FNDC3B: variants seen among roughly 807,000 people sequenced by gnomAD.
The protein encoded by FNDC3B is fibronectin type III domain containing 3B.
Under a neutral mutation model 151.5 loss-of-function variants are expected in FNDC3B, and 12 were observed. The observed-to-expected ratio is 0.08, with a 90% confidence interval of 0.05 to 0.13. The LOEUF is 0.13. FNDC3B is among the 10% of genes least tolerant of loss of function. The pLI is 1.00. For missense variants in FNDC3B, 1,214 were observed against 1,505.3 expected, an observed-to-expected ratio of 0.81 and a Z score of 3.20; for synonymous variants, 528 against 549.0, an observed-to-expected ratio of 0.96 and a Z score of 0.54.
At chr3:172,323,724 C>A (rs1225381032) in intron 11 of FNDC3B, among the ~76,000 whole-genome samples, 1 of 152,024 alleles carries the variant, frequency 6.6e-6, no homozygotes, top group Non-Finnish European at 1.5e-5. Flanking sequence ...GTGTTTGGGG[C>A]CTTTCATAGT....
At chr3:172,057,961 A>G (rs1181746442) in intron 1 of FNDC3B, among the ~76,000 whole-genome samples, 2 of 152,004 alleles carry the variant, frequency 1.3e-5, no homozygotes, top group African/African-American at 2.4e-5. Flanking sequence ...TTGGGCTGGA[A>G]GGAGTGTCAT....
At chr3:172,130,268 A>G (rs902356326) in intron 2 of FNDC3B, among the ~76,000 whole-genome samples, 1 of 152,208 alleles carries the variant, frequency 6.6e-6, no homozygotes, top group African/African-American at 2.4e-5. Context: ...CCTCAGTGCC[A>G]AGATGAATAT....
In FNDC3B at chr3:172,401,664, T is replaced by C. The variant is rs957034573; in HGVS notation, c.*4189T>C. On this transcript the variant is annotated 3_prime_UTR_variant, in exon 26 of 26. Transcript: ENST00000415807. ...CAGCAATAAAACACAGTGTTCCTGC[T>C]ATGGCCATGGTTTTGTGATTTTAGA... is the stretch of plus-strand genomic sequence containing the variant. The C allele has an allele frequency of 4.6e-5, 7 of 152,216 alleles. No homozygotes were observed. Among genetic ancestry groups the C allele is most frequent in the African/African-American group, 1.2e-4 (5 of 41,446 alleles). 9.4% of individuals were successfully genotyped at this position (152,216 alleles called of 1,614,324 possible). A position where few individuals can be genotyped will look rare whatever the true frequency, so the allele number is the denominator to read the frequency against.
At chr3:172,066,860 G>A (rs1306810782) in intron 1 of FNDC3B, among the ~76,000 whole-genome samples, 15 of 152,204 alleles carry the variant, frequency 9.9e-5, no homozygotes, top group Non-Finnish European at 2.1e-4. Context: ...TTGCACGAGT[G>A]TGTGAACATA....
chr3:172,355,175 A>C (rs1157437937), intron 22 of FNDC3B, among the ~76,000 whole-genome samples: 2 of 152,310 alleles, frequency 1.3e-5, no homozygotes, highest in Non-Finnish European at 1.5e-5. Context: ...AGTATTATTA[A>C]AAATGAAAAC....
At chr3:172,163,703 G>T (rs1199593232) in intron 3 of FNDC3B, among the ~76,000 whole-genome samples, 1 of 152,028 alleles carries the variant, frequency 6.6e-6, no homozygotes, top group Non-Finnish European at 1.5e-5. Flanking sequence ...TAGCTTCTGT[G>T]TTCTCCTGAT....
intron 3 of FNDC3B, among the ~76,000 whole-genome samples, chr3:172,149,299 T>G (rs1027473053): frequency 2.6e-5 from 4 of 152,232 alleles, no homozygotes; most frequent in African/African-American, 9.6e-5. Context: ...TCTTCCACTT[T>G]AAATGAAGAC....
At position 172,133,534 on chromosome 3, in the gene FNDC3B, C is replaced by G; in HGVS notation, c.175C>G (p.Gln59Glu). The G allele has an allele frequency of 6.2e-7, 1 of 1,610,044 alleles. No individual in the cohort carries two copies. Among genetic ancestry groups the G allele is most frequent in the Non-Finnish European group, 8.5e-7 (1 of 1,176,552 alleles). The part of the protein sequence containing the change: ...FTIRAEDGTL[Q>E]CIQGPAEVPM... ...AATAAGAGCAGAGGATGGAACACTTCAGTGCATTCAAGGTAAGGACATTTT... is the reference window on the plus strand; with the variant it reads ...AATAAGAGCAGAGGATGGAACACTTGAGTGCATTCAAGGTAAGGACATTTT... The change falls in exon 3 of 26, where the codon CAG (glutamine) becomes GAG (glutamate). Residue 59 changes from glutamine (Q) to glutamate (E), a missense_variant. Coordinates refer to ENST00000415807, the MANE Select transcript of FNDC3B (RefSeq NM_022763.4).
At chr3:172,230,834 G>C (rs540068975) in intron 4 of FNDC3B, among the ~76,000 whole-genome samples, 1 of 152,322 alleles carries the variant, frequency 6.6e-6, no homozygotes, top group Non-Finnish European at 1.5e-5. Flanking sequence ...AAGGTTGTAG[G>C]AAAAGTGGAA....
intron 16 of FNDC3B, 189 bp downstream of exon 16, chr3:172,337,590 C>G: frequency 2.0e-6 from 1 of 499,216 alleles, no homozygotes; most frequent in Non-Finnish European, 3.5e-6. Context: ...TCAGAGTCTA[C>G]TTGAAACTTA....
chr3:172,329,748 C>G (rs1732544130), intron 12 of FNDC3B: 1 of 152,174 alleles, frequency 6.6e-6, no homozygotes, highest in Admixed American at 6.5e-5. Flanking sequence ...TCTTTCCAAC[C>G]TAAAGAACCT....
intron 3 of FNDC3B, among the ~76,000 whole-genome samples, chr3:172,172,269 C>T (rs1723321342): frequency 6.6e-6 from 1 of 152,052 alleles, no homozygotes; most frequent in African/African-American, 2.4e-5. Context: ...GTCAAGTGTA[C>T]CTGTACCTAA....
chr3:172,325,981 G>A (rs1732322541), intron 11 of FNDC3B, among the ~76,000 whole-genome samples: 1 of 151,976 alleles, frequency 6.6e-6, no homozygotes, highest in South Asian at 2.1e-4. Flanking sequence ...CTACCACCAC[G>A]CCTGGGTAAT....
intron 7 of FNDC3B, among the ~76,000 whole-genome samples, 176 bp downstream of exon 7, chr3:172,286,160 A>G (rs557222831): frequency 6.6e-6 from 1 of 152,300 alleles, no homozygotes; most frequent in South Asian, 2.1e-4. Context: ...GACATAGAAC[A>G]GTAGCCTTCT....
chr3:172,167,629 G>A (rs1451918017), intron 3 of FNDC3B, among the ~76,000 whole-genome samples: 1 of 152,126 alleles, frequency 6.6e-6, no homozygotes, highest in African/African-American at 2.4e-5. Context: ...TAAGACCGGG[G>A]TCCCCAAGCC....
intron 1 of FNDC3B, among the ~76,000 whole-genome samples, chr3:172,073,671 T>C (rs947648116): frequency 6.6e-6 from 1 of 152,246 alleles, no homozygotes; most frequent in African/African-American, 2.4e-5. Context: ...TTTACACTTT[T>C]AATGATGATT....
At chr3:172,077,280 T>C (rs1014701740) in intron 1 of FNDC3B, among the ~76,000 whole-genome samples, 3 of 152,240 alleles carry the variant, frequency 2.0e-5, no homozygotes, top group Non-Finnish European at 2.9e-5. Flanking sequence ...TTTTTTTTCC[T>C]TCTGTTGTTT....
chr3:172,342,255 C>T (rs549523026), intron 17 of FNDC3B, among the ~76,000 whole-genome samples: 27 of 152,308 alleles, frequency 1.8e-4, no homozygotes, highest in African/African-American at 6.3e-4. Context: ...TATACAGTGC[C>T]GAAGCTGTCT....
At chr3:172,381,569 C>T (rs1008234647) in intron 25 of FNDC3B, among the ~76,000 whole-genome samples, 1 of 151,952 alleles carries the variant, frequency 6.6e-6, no homozygotes, top group Non-Finnish European at 1.5e-5. Context: ...TTGCTGCGCC[C>T]ATCAACCTGT....
Sources: gnomAD v4.1 joint callset for allele counts (sites outside exome capture counted in the v4.1 genomes callset) on GRCh38, gnomAD v4.1.1 for gene constraint, MANE v1.5 for transcripts, NCBI Gene and HGNC (gene_info 2026-07-23, HGNC 2026-07-21) for gene names.